Variants in PKN2 observed in about 807,000 individuals in gnomAD.
The protein encoded by PKN2 is serine/threonine-protein kinase N2.
Under a neutral mutation model 119.1 loss-of-function variants are expected in PKN2, and 38 were observed. That is an observed-to-expected ratio of 0.32 (90% CI 0.25 to 0.42). The LOEUF is 0.42. Among genes scored for constraint, PKN2 ranks in the 10% least tolerant of loss-of-function variants. PKN2 has a pLI of 1.00. For synonymous variants in PKN2, 390 were observed against 384.9 expected (o/e 1.01, Z -0.15); for missense variants, 850 against 1,165.1 (o/e 0.73, Z 3.94).
At chr1:88,737,319 T>TC (rs763122208) in intron 1 of PKN2, among the ~76,000 whole-genome samples, 14 of 152,080 alleles carry the variant, frequency 9.2e-5, no homozygotes, top group African/African-American at 1.4e-4. Context: ...CTGAAATGAG[T>TC]TCAGAGGCAC....
At chr1:88,733,194 G>A (rs1327704267) in intron 1 of PKN2, among the ~76,000 whole-genome samples, 1 of 152,064 alleles carries the variant, frequency 6.6e-6, no homozygotes, top group Non-Finnish European at 1.5e-5. Context: ...CATTTTCTTT[G>A]GATATATATA....
chr1:88,755,916 C>CTT (rs545204853), intron 2 of PKN2, among the ~76,000 whole-genome samples: 4 of 143,056 alleles, frequency 2.8e-5, no homozygotes, highest in Non-Finnish European at 3.1e-5. Flanking sequence ...ATTGGTATAT[C>CTT]TTTTTTTTTT....
At chr1:88,749,348 T>G (rs530302859) in intron 2 of PKN2, among the ~76,000 whole-genome samples, 5 of 146,648 alleles carry the variant, frequency 3.4e-5, no homozygotes, top group African/African-American at 1.3e-4. Context: ...GAAGTTGCAG[T>G]GAGCCGAGAT....
chr1:88,784,613 T>C, intron 6 of PKN2, 26 bp from the exon 7 acceptor site: 2 of 1,463,076 alleles, frequency 1.4e-6, no homozygotes, highest in East Asian at 2.4e-5. Context: ...TTGATGTTCT[T>C]ATCTGATATT....
chr1:88,773,225 C>CT (rs529309827), intron 6 of PKN2, among the ~76,000 whole-genome samples: 9,913 of 144,770 alleles, frequency 0.068, 652 homozygotes, highest in African/African-American at 0.18. Flanking sequence ...TTCTGTCAGT[C>CT]TTTTTTTTTT....
intron 1 of PKN2, among the ~76,000 whole-genome samples, chr1:88,728,081 C>CTATT (rs1667971464): frequency 2.1e-5 from 3 of 142,956 alleles, no homozygotes; most frequent in African/African-American, 5.2e-5. Flanking sequence ...CTGGAGAAGT[C>CTATT]TATTAAAGGA....
intron 1 of PKN2, among the ~76,000 whole-genome samples, chr1:88,703,168 C>T (rs539048691): frequency 4.6e-5 from 7 of 152,102 alleles, no homozygotes; most frequent in Admixed American, 2.0e-4. Context: ...AATAAATATC[C>T]TTGCCTAACC....
chr1:88,689,759 T>C (rs1666253466), intron 1 of PKN2, among the ~76,000 whole-genome samples: 1 of 152,126 alleles, frequency 6.6e-6, no homozygotes, highest in African/African-American at 2.4e-5. Flanking sequence ...TGCAGTGAGC[T>C]GAGATCACGC....
chr1:88,778,222 C>T (rs1005728953), intron 6 of PKN2, among the ~76,000 whole-genome samples: 3 of 152,236 alleles, frequency 2.0e-5, no homozygotes, highest in Admixed American at 6.5e-5. Flanking sequence ...GGCTGTGTCA[C>T]GTATATCCTT....
intron 8 of PKN2, among the ~76,000 whole-genome samples, chr1:88,801,949 T>C (rs564505569): frequency 6.6e-6 from 1 of 152,290 alleles, no homozygotes; most frequent in East Asian, 1.9e-4. Flanking sequence ...CCTAAATAGG[T>C]AAATGCAAAG....
intron 2 of PKN2, among the ~76,000 whole-genome samples, chr1:88,749,491 G>A (rs1316530769): frequency 1.3e-5 from 2 of 152,138 alleles, no homozygotes; most frequent in Non-Finnish European, 2.9e-5. Context: ...ACCAGAGGTG[G>A]TATTAGTTAT....
chr1:88,742,120 G>A (rs1240521492), intron 2 of PKN2, among the ~76,000 whole-genome samples: 1 of 151,996 alleles, frequency 6.6e-6, no homozygotes, highest in African/African-American at 2.4e-5. Flanking sequence ...AAGGCCTCAA[G>A]ACATTATCAA....
rs116675920 is a variant in PKN2, at chr1:88,752,486, T to C, written c.350-7736T>C. On this transcript the variant is annotated intron_variant, in intron 2 of 21. Transcript: ENST00000370521. Reference sequence around the variant, plus strand: ...TCTGATTGAGCTTTGTGATTTGTAATTGTGCTGGAACTGTCAGTATTAAAA... The same window carrying C: ...TCTGATTGAGCTTTGTGATTTGTAACTGTGCTGGAACTGTCAGTATTAAAA... 5.0e-3 allele frequency among the ~76,000 whole-genome samples: 766 copies of C among 152,228 alleles called. 2 individuals are homozygous for C. Among genetic ancestry groups the C allele is most frequent in the African/African-American group, 0.017 (722 of 41,558 alleles).
At chr1:88,739,223 A>G (rs192614089) in intron 1 of PKN2, among the ~76,000 whole-genome samples, 58 of 152,270 alleles carry the variant, frequency 3.8e-4, no homozygotes, top group Middle Eastern at 6.8e-3. Flanking sequence ...CTGTAAACCC[A>G]GCACTTTGGG....
intron 8 of PKN2, among the ~76,000 whole-genome samples, chr1:88,790,320 T>C (rs1316052124): frequency 1.3e-5 from 2 of 152,238 alleles, no homozygotes; most frequent in Non-Finnish European, 2.9e-5. Flanking sequence ...GTTTTAGAGA[T>C]GATATATGTC....
intron 1 of PKN2, among the ~76,000 whole-genome samples, chr1:88,723,327 G>A (rs937590661): frequency 3.3e-5 from 5 of 151,822 alleles, no homozygotes; most frequent in African/African-American, 9.7e-5. Context: ...TGGTCAGGCC[G>A]GTCTCAAACT....
chr1:88,743,046 T>G (rs1020109761), intron 2 of PKN2, among the ~76,000 whole-genome samples: 2 of 151,974 alleles, frequency 1.3e-5, no homozygotes, highest in South Asian at 2.1e-4. Context: ...CGAAAATTAG[T>G]CGACGTGGTG....
intron 1 of PKN2, among the ~76,000 whole-genome samples, chr1:88,704,009 T>C (rs879768994): frequency 2.0e-5 from 3 of 152,182 alleles, no homozygotes; most frequent in African/African-American, 4.8e-5. Flanking sequence ...TGACATACAG[T>C]AAATTTCACA....
chr1:88,806,101 C>A, intron 12 of PKN2, 84 bp downstream of exon 12: 1 of 1,204,136 alleles, frequency 8.3e-7, no homozygotes, highest in Non-Finnish European at 1.2e-6. Flanking sequence ...GCGTGTCTTT[C>A]CATTTAAAAT....
Sources: allele counts gnomAD v4.1 joint callset (sites outside exome capture counted in the v4.1 genomes callset), GRCh38; gene constraint gnomAD v4.1.1; transcripts MANE v1.5; gene names NCBI Gene and HGNC (gene_info 2026-07-23, HGNC 2026-07-21).